The following GSTCD variants were observed in gnomAD, a reference collection of about 807,000 sequenced individuals.
The protein encoded by GSTCD is glutathione S-transferase C-terminal domain containing.
In GSTCD, 44 loss-of-function variants were observed where a neutral mutation model predicts 68.3. That is an observed-to-expected ratio of 0.64 (90% CI 0.51 to 0.83). The LOEUF is 0.83. GSTCD is among the 40% of genes least tolerant of loss of function. The pLI is 0.00. For synonymous variants in GSTCD, 273 were observed against 255.2 expected, an observed-to-expected ratio of 1.07 and a Z score of -0.67; for missense variants, 739 against 735.9, an observed-to-expected ratio of 1.00 and a Z score of -0.05.
chr4:105,768,483 G>A (rs895823957), intron 5 of GSTCD, among the ~76,000 whole-genome samples: 5 of 151,972 alleles, frequency 3.3e-5, no homozygotes, highest in African/African-American at 1.2e-4. Context: ...CAGGCCTATT[G>A]TTTTATTTTC....
chr4:105,800,594 G>T (rs186009841), intron 5 of GSTCD, among the ~76,000 whole-genome samples: 1 of 152,166 alleles, frequency 6.6e-6, no homozygotes, highest in Non-Finnish European at 1.5e-5. Flanking sequence ...TTATAAATGT[G>T]TATGACACAA....
At chr4:105,775,781 GTT>G (rs1735035087) in intron 5 of GSTCD, among the ~76,000 whole-genome samples, 1 of 152,200 alleles carries the variant, frequency 6.6e-6, no homozygotes, top group South Asian at 2.1e-4. Context: ...TGAGGTGTCT[GTT>G]GACCCCTGCT....
chr4:105,742,954 T>C (rs182347982), intron 5 of GSTCD, among the ~76,000 whole-genome samples: 6,681 of 146,166 alleles, frequency 0.046, 199 homozygotes, highest in Middle Eastern at 0.13. Flanking sequence ...TTCTCTCTCT[T>C]TTTTTTTTTT....
chr4:105,800,476 G>T (rs1383052755), intron 5 of GSTCD, among the ~76,000 whole-genome samples: 1 of 152,064 alleles, frequency 6.6e-6, no homozygotes, highest in Non-Finnish European at 1.5e-5. Flanking sequence ...ACTGATTTTG[G>T]GGGAGCTTTC....
intron 5 of GSTCD, among the ~76,000 whole-genome samples, chr4:105,735,225 G>T (rs1195136314): frequency 6.6e-6 from 1 of 152,186 alleles, no homozygotes; most frequent in African/African-American, 2.4e-5. Flanking sequence ...GGACATTTAA[G>T]TCTGCAGAGG....
chr4:105,813,596 C>T (rs1219509686), intron 5 of GSTCD, among the ~76,000 whole-genome samples: 1 of 152,148 alleles, frequency 6.6e-6, no homozygotes, highest in South Asian at 2.1e-4. Flanking sequence ...ACCCAAAATA[C>T]TTCTGGTCCC....
intron 5 of GSTCD, among the ~76,000 whole-genome samples, chr4:105,731,627 C>G (rs75457293): frequency 0.054 from 8,171 of 152,168 alleles, 254 homozygotes; most frequent in Middle Eastern, 0.14. Flanking sequence ...GAGATTTTGG[C>G]CAGAGACAAT....
Position 105,778,041 on chromosome 4 carries a change from T to A in GSTCD, c.1241-44913T>A, listed in dbSNP as rs184745945. 1.6e-3 allele frequency among the ~76,000 whole-genome samples: 240 copies of A among 152,246 alleles called. 2 individuals are homozygous for A. The highest frequency in any genetic ancestry group is 6.8e-3 in the Middle Eastern group (2 of 294). ...GGAATGATTAGTTCTGATTGTTGGA[T>A]TAAGGAAGACTTGATTGGAGTTGGC... On this transcript the variant is annotated intron_variant, in intron 5 of 11. Transcript: ENST00000515279.
intron 1 of GSTCD, among the ~76,000 whole-genome samples, chr4:105,717,342 C>T (rs1732710655): frequency 2.0e-5 from 3 of 152,142 alleles, no homozygotes; most frequent in South Asian, 2.1e-4. Flanking sequence ...GGCTCTATTG[C>T]AAAGCACTGG....
At chr4:105,755,572 T>C (rs1022242396) in intron 5 of GSTCD, among the ~76,000 whole-genome samples, 5 of 152,210 alleles carry the variant, frequency 3.3e-5, no homozygotes, top group African/African-American at 1.2e-4. Flanking sequence ...TCTGACATCA[T>C]CTGCCTGGAG....
intron 5 of GSTCD, among the ~76,000 whole-genome samples, chr4:105,773,556 G>A (rs570139818): frequency 3.7e-4 from 56 of 152,214 alleles, no homozygotes; most frequent in African/African-American, 1.0e-3. Context: ...CTGGTACATT[G>A]TGCCTTTTTT....
At chr4:105,758,938 T>A (rs1318557898) in intron 5 of GSTCD, among the ~76,000 whole-genome samples, 1 of 152,230 alleles carries the variant, frequency 6.6e-6, no homozygotes, top group Non-Finnish European at 1.5e-5. Context: ...TGCAGGTATT[T>A]GGTTTAATAT....
intron 5 of GSTCD, among the ~76,000 whole-genome samples, chr4:105,785,294 G>A (rs1353475768): frequency 1.3e-5 from 2 of 152,038 alleles, no homozygotes; most frequent in Non-Finnish European, 2.9e-5. Flanking sequence ...CATCTCTTAT[G>A]AATATAGATG....
chr4:105,721,571 G>A (rs1732859355), intron 3 of GSTCD, among the ~76,000 whole-genome samples: 1 of 151,892 alleles, frequency 6.6e-6, no homozygotes, highest in African/African-American at 2.4e-5. Context: ...GAAGAACTAG[G>A]GAAAATACCC....
At position 105,711,327 on chromosome 4, in the gene GSTCD, T is replaced by G. The variant is rs560004120; in HGVS notation, c.-22+2311T>G. Among the ~76,000 whole-genome samples, 33 of 152,386 alleles carry G rather than the reference T, an allele frequency of 2.2e-4. No individual in the cohort carries two copies. In the South Asian group the frequency reaches 2.3e-3, roughly 11 times the overall value. On this transcript the variant is annotated intron_variant, in intron 1 of 11. Transcript: ENST00000515279. Reference sequence around the variant, plus strand: ...TCTTATTTTGTACAATAGGTTGATATGCACATGGATTAAGGGTTTCACGTT... The same window carrying G: ...TCTTATTTTGTACAATAGGTTGATAGGCACATGGATTAAGGGTTTCACGTT...
chr4:105,776,390 A>G (rs1235805098), intron 5 of GSTCD, among the ~76,000 whole-genome samples: 5 of 152,080 alleles, frequency 3.3e-5, no homozygotes, highest in Admixed American at 6.6e-5. Flanking sequence ...GGGTATGAAA[A>G]AAAACTCCTG....
intron 5 of GSTCD, among the ~76,000 whole-genome samples, chr4:105,791,309 C>T (rs1430945370): frequency 6.7e-6 from 1 of 149,596 alleles, no homozygotes; most frequent in African/African-American, 2.5e-5. Context: ...AGGAGAATGG[C>T]GTGAACCTGG....
At chr4:105,738,253 G>A (rs1733523884) in intron 5 of GSTCD, among the ~76,000 whole-genome samples, 1 of 152,132 alleles carries the variant, frequency 6.6e-6, no homozygotes, top group South Asian at 2.1e-4. Flanking sequence ...CTATGTGTCT[G>A]TTTTTAATAC....
intron 3 of GSTCD, among the ~76,000 whole-genome samples, chr4:105,721,920 C>T (rs751378747): frequency 7.9e-5 from 12 of 152,016 alleles, no homozygotes; most frequent in Non-Finnish European, 1.8e-4. Context: ...AGCGTATCAA[C>T]ATTATGGGAG....
Sources: gnomAD v4.1 joint callset for allele counts (sites outside exome capture counted in the v4.1 genomes callset) on GRCh38, gnomAD v4.1.1 for gene constraint, MANE v1.5 for transcripts, NCBI Gene and HGNC (gene_info 2026-07-23, HGNC 2026-07-21) for gene names.